Variants in KLHL4 observed in about 807,000 individuals in gnomAD.
KLHL4 encodes kelch-like protein 4.
KLHL4 carries 17 observed loss-of-function variants against 45.8 expected under a neutral mutation model. That is an observed-to-expected ratio of 0.37 (90% CI 0.25 to 0.56). The LOEUF (loss-of-function observed/expected upper bound fraction) is 0.56. Ranked by LOEUF, KLHL4 falls within the 20% of genes least tolerant of loss-of-function variation. The probability of loss-of-function intolerance (pLI) is 0.79; values close to 1 mark genes in which losing one functional copy is unlikely to be tolerated. For synonymous variants in KLHL4, 224 were observed against 189.9 expected, an observed-to-expected ratio of 1.18 and a Z score of -1.47; for missense variants, 544 against 544.9, an observed-to-expected ratio of 1.00 and a Z score of 0.02.
At chrX:87,525,137 A>C (rs1931083123) in intron 1 of KLHL4, among the ~76,000 whole-genome samples, 1 of 112,225 alleles carries the variant, frequency 8.9e-6, no homozygotes, top group Admixed American at 9.5e-5. Flanking sequence ...TGCAGTATCA[A>C]ATCTGACTAA....
At chrX:87,578,474 C>G (rs1921164319) in intron 1 of KLHL4, among the ~76,000 whole-genome samples, 2 of 111,639 alleles carry the variant, frequency 1.8e-5, no homozygotes, top group Non-Finnish European at 3.8e-5. Flanking sequence ...AGCCCTCATT[C>G]CCCACAGAAA....
rs190333435 is a variant in KLHL4 at position 87,630,811 on chromosome X, G to T, written c.1325-1399G>T. ...ACCTTGTAATTCTATATTCTCAACT[G>T]TAATATTTTGTGCTACTGAAGCAGG... On this transcript the variant is annotated intron_variant, in intron 6 of 10. Coordinates refer to ENST00000373119, the MANE Select transcript of KLHL4 (RefSeq NM_019117.5). Among the ~76,000 whole-genome samples the T allele has an allele frequency of 2.7e-5, 3 of 111,816 alleles. No individual in the cohort carries two copies. In the East Asian group the frequency reaches 8.5e-4, roughly 32 times the overall value.
chrX:87,622,104 G>A, intron 4 of KLHL4, 107 bp from the exon 5 acceptor site: 2 of 522,231 alleles, frequency 3.8e-6, no homozygotes, highest in East Asian at 3.6e-5. Context: ...ATACATCTGT[G>A]TCTCTTGCAT....
At chrX:87,588,046 A>T (rs1921538914) in intron 1 of KLHL4, among the ~76,000 whole-genome samples, 2 of 111,471 alleles carry the variant, frequency 1.8e-5, no homozygotes, top group African/African-American at 6.5e-5. Context: ...AAGTTATCCC[A>T]TTTACAATAG....
chrX:87,590,007 C>T (rs1372196902), intron 1 of KLHL4, among the ~76,000 whole-genome samples: 2 of 104,809 alleles, frequency 1.9e-5, no homozygotes, highest in Non-Finnish European at 3.9e-5. Flanking sequence ...CATTGCACTC[C>T]AGCCTGAGCA....
At chrX:87,585,194 G>A (rs1052009767) in intron 1 of KLHL4, among the ~76,000 whole-genome samples, 2 of 111,641 alleles carry the variant, frequency 1.8e-5, no homozygotes, top group Non-Finnish European at 3.8e-5. Context: ...AATGAAAGCT[G>A]AGGGATTTCA....
chrX:87,566,192 TC>T (rs1431091449), intron 1 of KLHL4, among the ~76,000 whole-genome samples: 1 of 111,112 alleles, frequency 9.0e-6, no homozygotes, highest in African/African-American at 3.3e-5. Context: ...CTGAAACTCT[TC>T]CAAAAAATGG....
Position 87,519,639 on chromosome X carries a change from A to G in KLHL4, c.422+1324A>G, listed in dbSNP as rs1446371733. On this transcript the variant is annotated intron_variant, in intron 1 of 10. Coordinates refer to ENST00000373119, the MANE Select transcript of KLHL4 (RefSeq NM_019117.5). ...TTGTGCTTGCTCGTGGAAAAGCTAT[A>G]TAACTGTAGGGATTGCAGGTTGCAT... 3.6e-5 allele frequency among the ~76,000 whole-genome samples: 4 copies of G among 112,534 alleles called. No homozygotes were observed. The South Asian group carries it at 1.4e-3, about 40-fold the overall frequency.
intron 1 of KLHL4, among the ~76,000 whole-genome samples, chrX:87,611,013 G>A (rs759626475): frequency 3.7e-4 from 41 of 111,290 alleles, no homozygotes; most frequent in African/African-American, 1.2e-3. Flanking sequence ...GGCAGAAGTT[G>A]CAGTGAGCCA....
At chrX:87,579,746 A>G (rs994190502) in intron 1 of KLHL4, among the ~76,000 whole-genome samples, 4 of 112,050 alleles carry the variant, frequency 3.6e-5, no homozygotes, top group African/African-American at 1.3e-4. Context: ...AAACTGTCAT[A>G]AATGAAGGAG....
rs764180319 is a variant in KLHL4, at chrX:87,518,029, A to T, written c.136A>T (p.Thr46Ser). ...GCAGGAAGGATATGAGCATAGAGGG[A>T]CCCCGGTTCAGGGCAGGTTGAAGAG... Reference protein sequence around the residue: ...LQQEGYEHRGTPVQGRLKSHS... With the variant: ...LQQEGYEHRGSPVQGRLKSHS... Residue 46 changes from threonine (T) to serine (S), a missense_variant, in exon 1 of 11, where the codon ACC becomes TCC. Transcript: ENST00000373119. The T allele has an allele frequency of 9.1e-6, 11 of 1,210,498 alleles. No individual in the cohort carries two copies. The highest frequency in any genetic ancestry group is 2.3e-4 in the Middle Eastern group (1 of 4,340).
chrX:87,625,630 C>A lies in KLHL4; in HGVS notation c.1158C>A (p.Thr386=). ...LPPQLLADLE[T]SSMFTGDLEC... is the part of the protein sequence containing the mutation. ...TTCAGTTACTGGCAGATCTTGAAAC[C>A]AGTTCCATGTTTACTGGTGATCTTG... The change falls in exon 6 of 11, where the codon ACC becomes ACA. Residue 386 remains threonine (T), a synonymous_variant. Coordinates refer to ENST00000373119, the MANE Select transcript of KLHL4 (RefSeq NM_019117.5). The A allele has an allele frequency of 8.3e-7, 1 of 1,205,135 alleles. No homozygotes were observed. The highest frequency in any genetic ancestry group is 1.8e-5 in the South Asian group (1 of 55,764).
intron 9 of KLHL4, among the ~76,000 whole-genome samples, chrX:87,651,125 G>A (rs182201855): frequency 8.9e-4 from 100 of 111,798 alleles, no homozygotes; most frequent in African/African-American, 2.3e-3. Context: ...GAATTACAGC[G>A]CGTTGGAAAT....
Position 87,667,002 on chromosome X carries a change from G to A in KLHL4, c.*468G>A, listed in dbSNP as rs1924391839. 1 of 717,189 alleles carries A rather than the reference G, an allele frequency of 1.4e-6. No individual in the cohort carries two copies. The allele number at this position is 717,189 out of a possible 1,213,427, so 59.1% of individuals were successfully genotyped here. Reference sequence around the variant, plus strand: ...CTTAGAATAGTGTGATTTTTAGTAAGCCATTATTCTCCTATTCAAATAATA... The same window carrying A: ...CTTAGAATAGTGTGATTTTTAGTAAACCATTATTCTCCTATTCAAATAATA... On this transcript the variant is annotated 3_prime_UTR_variant, in exon 11 of 11. Transcript: ENST00000373119.
chrX:87,542,353 A>T (rs1339379932), intron 1 of KLHL4, among the ~76,000 whole-genome samples: 1 of 112,056 alleles, frequency 8.9e-6, no homozygotes, highest in Admixed American at 9.4e-5. Context: ...ACTCCTGGGC[A>T]TGTCAGAGAT....
rs58586775 is a variant in KLHL4 at position 87,568,391 on chromosome X, C to CTTTT, written c.423-45470_423-45467dup. Among the ~76,000 whole-genome samples the CTTTT allele has an allele frequency of 8.7e-4, 50 of 57,492 alleles. 7 individuals carry two copies. The highest frequency in any genetic ancestry group is 2.1e-3 in the East Asian group (3 of 1,420). The allele number at this position is 57,492 out of a possible 115,157, so 49.9% of individuals were successfully genotyped here. On this transcript the variant is annotated intron_variant, in intron 1 of 10. Transcript: ENST00000373119. ...TTTTTTCTTTTTCTTTTCTTTTTTT[C>CTTTT]TTTTTTTTTTTTTTTTTTTGCAGAA...
chrX:87,531,360 G>A (rs777764260), intron 1 of KLHL4, among the ~76,000 whole-genome samples: 2 of 111,047 alleles, frequency 1.8e-5, no homozygotes, highest in East Asian at 5.7e-4. Flanking sequence ...GTCCTGAGTG[G>A]TAATGCCTAG....
intron 1 of KLHL4, among the ~76,000 whole-genome samples, chrX:87,598,179 C>T (rs1035135142): frequency 1.8e-5 from 2 of 110,336 alleles, no homozygotes; most frequent in Non-Finnish European, 3.8e-5. Flanking sequence ...AAAATTTCAA[C>T]CTATTATTCT....
intron 10 of KLHL4, 28 bp downstream of exon 10, chrX:87,664,963 T>G: frequency 1.0e-6 from 1 of 964,563 alleles, no homozygotes. Flanking sequence ...TTCAAATTAC[T>G]ATATTTCAGG....
Sources: allele counts gnomAD v4.1 joint callset (sites outside exome capture counted in the v4.1 genomes callset), GRCh38; gene constraint gnomAD v4.1.1; transcripts MANE v1.5; gene names NCBI Gene and HGNC (gene_info 2026-07-23, HGNC 2026-07-21).